The following LINGO2 variants were observed in gnomAD, a reference collection of about 807,000 sequenced individuals.
The protein encoded by LINGO2 is leucine rich repeat and Ig domain containing 2, also known as leucine-rich repeat and immunoglobulin-like domain-containing nogo receptor-interacting protein 2.
LINGO2 carries 14 observed loss-of-function variants against 30.6 expected under a neutral mutation model. The ratio of observed to expected loss-of-function variants is 0.46; its 90% CI spans 0.30 to 0.72. The LOEUF (loss-of-function observed/expected upper bound fraction) is 0.72. Ranked by LOEUF, LINGO2 falls within the 30% of genes least tolerant of loss-of-function variation. The pLI is 0.07. For synonymous variants in LINGO2, 317 were observed against 288.5 expected, an observed-to-expected ratio of 1.10 and a Z score of -1.00; for missense variants, 729 against 751.7, an observed-to-expected ratio of 0.97 and a Z score of 0.35.
intron 1 of LINGO2, among the ~76,000 whole-genome samples, chr9:28,505,952 G>T (rs1012814528): frequency 1.3e-4 from 20 of 151,748 alleles, no homozygotes; most frequent in African/African-American, 4.4e-4. Flanking sequence ...TTATGCAAGG[G>T]TATTTCTGTT....
chr9:29,058,632 T>A, the LINGO2 span, among the ~76,000 whole-genome samples: 1 of 151,464 alleles, frequency 6.6e-6, no homozygotes, highest in Non-Finnish European at 1.5e-5. Context: ...AGGATCAAGA[T>A]ACAGAAAACC....
the LINGO2 span, among the ~76,000 whole-genome samples, chr9:29,016,594 T>G: frequency 6.6e-6 from 1 of 152,162 alleles, no homozygotes; most frequent in African/African-American, 2.4e-5. Flanking sequence ...TTTACCAACT[T>G]ATAAAAAAGA....
intron 1 of LINGO2, among the ~76,000 whole-genome samples, chr9:28,570,837 GA>G (rs750239607): frequency 3.8e-4 from 57 of 151,924 alleles, no homozygotes; most frequent in Non-Finnish European, 5.3e-4. Context: ...CTATTTCTCA[GA>G]AAGGTTGCAT....
At chr9:28,324,458 C>A (rs1231735010) in intron 3 of LINGO2, among the ~76,000 whole-genome samples, 2 of 152,088 alleles carry the variant, frequency 1.3e-5, no homozygotes, top group Non-Finnish European at 2.9e-5. Flanking sequence ...CATTCTAAAT[C>A]ATAGGATGAA....
chr9:28,865,209 A>G, the LINGO2 span, among the ~76,000 whole-genome samples: 1 of 152,136 alleles, frequency 6.6e-6, no homozygotes, highest in Non-Finnish European at 1.5e-5. Flanking sequence ...CTGCTGCTAC[A>G]GTTAGAGTAG....
chr9:29,075,441 A>C, the LINGO2 span, among the ~76,000 whole-genome samples: 1 of 152,176 alleles, frequency 6.6e-6, no homozygotes, highest in Non-Finnish European at 1.5e-5. Flanking sequence ...AAATAATGTA[A>C]TAGCTTTAAT....
At chr9:28,524,451 TA>T (rs1820938662) in intron 1 of LINGO2, among the ~76,000 whole-genome samples, 1 of 152,146 alleles carries the variant, frequency 6.6e-6, no homozygotes, top group South Asian at 2.1e-4. Flanking sequence ...GACATCTTTA[TA>T]AAAGTCAAAA....
intron 1 of LINGO2, among the ~76,000 whole-genome samples, chr9:28,628,177 T>C (rs1826770773): frequency 6.6e-6 from 1 of 152,106 alleles, no homozygotes; most frequent in South Asian, 2.1e-4. Context: ...CAGATTTCAG[T>C]ACAATTCACA....
chr9:28,087,226 G>A (rs1272248587), intron 4 of LINGO2, among the ~76,000 whole-genome samples: 1 of 152,048 alleles, frequency 6.6e-6, no homozygotes, highest in Non-Finnish European at 1.5e-5. Flanking sequence ...GATTAACTGA[G>A]CCCAGACTAG....
the LINGO2 span, among the ~76,000 whole-genome samples, chr9:29,100,873 G>A: frequency 6.6e-6 from 1 of 151,920 alleles, no homozygotes; most frequent in African/African-American, 2.4e-5. Flanking sequence ...TATAACATGT[G>A]CTCACAAAAA....
chr9:28,303,906 C>A (rs1382333933), intron 3 of LINGO2, among the ~76,000 whole-genome samples: 1 of 151,974 alleles, frequency 6.6e-6, no homozygotes, highest in Non-Finnish European at 1.5e-5. Flanking sequence ...TGACAAAAAT[C>A]CACATGTAAG....
At chr9:27,994,412 T>C (rs1821553127) in intron 5 of LINGO2, among the ~76,000 whole-genome samples, 1 of 151,790 alleles carries the variant, frequency 6.6e-6, no homozygotes, top group Non-Finnish European at 1.5e-5. Flanking sequence ...AAGAACCAAA[T>C]AAGTAAAATT....
chr9:28,276,058 T>C (rs1182597457), intron 4 of LINGO2, among the ~76,000 whole-genome samples: 1 of 152,182 alleles, frequency 6.6e-6, no homozygotes, highest in Non-Finnish European at 1.5e-5. Flanking sequence ...AGAGAGCTTT[T>C]GAAGATGAAA....
the LINGO2 span, among the ~76,000 whole-genome samples, chr9:29,186,351 T>G: frequency 6.6e-6 from 1 of 152,174 alleles, no homozygotes; most frequent in Non-Finnish European, 1.5e-5. Flanking sequence ...CAACTTCCAT[T>G]TATTATTTTA....
intron 4 of LINGO2, among the ~76,000 whole-genome samples, chr9:28,190,704 G>A (rs1274964049): frequency 6.6e-6 from 1 of 152,056 alleles, no homozygotes; most frequent in Admixed American, 6.6e-5. Flanking sequence ...CCCAGTCTAT[G>A]GTATTTTGTT....
the LINGO2 span, among the ~76,000 whole-genome samples, chr9:28,678,141 A>AT: frequency 2.2e-4 from 13 of 60,280 alleles, no homozygotes; most frequent in East Asian, 4.0e-3. Flanking sequence ...TGCTTTGAAT[A>AT]TTAAAAAAAA....
At chr9:28,224,100 T>C (rs186476780) in intron 4 of LINGO2, among the ~76,000 whole-genome samples, 5 of 152,308 alleles carry the variant, frequency 3.3e-5, no homozygotes, top group Admixed American at 1.3e-4. Flanking sequence ...AGTCTCACTC[T>C]GTAGCCCAGG....
At chr9:28,237,191 C>G (rs1821605043) in intron 4 of LINGO2, among the ~76,000 whole-genome samples, 1 of 150,412 alleles carries the variant, frequency 6.6e-6, no homozygotes, top group East Asian at 2.0e-4. Context: ...TTTATGCAAT[C>G]AGTGCTAAGC....
chr9:28,746,005 C>T, the LINGO2 span, among the ~76,000 whole-genome samples: 1 of 152,008 alleles, frequency 6.6e-6, no homozygotes, highest in South Asian at 2.1e-4. Flanking sequence ...AATACACAAA[C>T]TATCAAAGGA....
Sources: gnomAD v4.1 joint callset for allele counts (sites outside exome capture counted in the v4.1 genomes callset) on GRCh38, gnomAD v4.1.1 for gene constraint, MANE v1.5 for transcripts, NCBI Gene and HGNC (gene_info 2026-07-23, HGNC 2026-07-21) for gene names.